The following CANX variants were observed in gnomAD, a reference collection of about 807,000 sequenced individuals.
CANX encodes the protein calnexin, also known as epididymis secretory sperm binding protein.
Under a neutral mutation model 75.7 loss-of-function variants are expected in CANX, and 14 were observed. The ratio of observed to expected loss-of-function variants is 0.19; its 90% confidence interval spans 0.12 to 0.29. The LOEUF (loss-of-function observed/expected upper bound fraction) is 0.29, where lower values mean the gene tolerates loss of function less well. CANX is among the 10% of genes least tolerant of loss of function. The pLI is 1.00. For synonymous variants in CANX, 227 were observed against 236.9 expected (o/e 0.96, Z 0.38); for missense variants, 567 against 713.2 (o/e 0.79, Z 2.34).
At chr5:179,706,713 T>G (rs954507023) in intron 3 of CANX, among the ~76,000 whole-genome samples, 2 of 152,174 alleles carry the variant, frequency 1.3e-5, no homozygotes, top group African/African-American at 4.8e-5. Flanking sequence ...TGCCTTAGCC[T>G]CCCAAATTGT....
At chr5:179,727,517 A>G (rs1778739761) in intron 14 of CANX, among the ~76,000 whole-genome samples, 1 of 152,162 alleles carries the variant, frequency 6.6e-6, no homozygotes, top group Non-Finnish European at 1.5e-5. Context: ...GTGGTTGTCT[A>G]CAAGGCCAGT....
At chr5:179,694,785 T>C, upstream of CANX, 1 of 323,970 alleles carries the variant, frequency 3.1e-6, no homozygotes, top group Non-Finnish European at 5.7e-6. Context: ...TGTTTATCTG[T>C]CAAAAAAAAA....
chr5:179,680,598 T>C (rs1776038568), intron 1 of CANX, among the ~76,000 whole-genome samples: 1 of 152,068 alleles, frequency 6.6e-6, no homozygotes, highest in African/African-American at 2.4e-5. Context: ...AAACATGACT[T>C]TTATTCCAAA....
intron 11 of CANX, chr5:179,723,379 A>T: frequency 9.0e-6 from 4 of 443,304 alleles, no homozygotes; most frequent in Non-Finnish European, 1.6e-5. Flanking sequence ...AGAGCCAGGG[A>T]TACTGAGATA....
chr5:179,695,511 TAG>T (rs1224916394), upstream of CANX, among the ~76,000 whole-genome samples: 2 of 151,294 alleles, frequency 1.3e-5, no homozygotes, highest in East Asian at 1.9e-4. Flanking sequence ...GTATTTTTAG[TAG>T]AGACAGGGCT....
chr5:179,723,583 G>A, intron 11 of CANX, 77 bp from the exon 12 acceptor site: 1 of 1,511,854 alleles, frequency 6.6e-7, no homozygotes, highest in Non-Finnish European at 9.0e-7. Flanking sequence ...TGCCATAACT[G>A]AACTGCAGAA....
intron 1 of CANX, among the ~76,000 whole-genome samples, chr5:179,688,160 C>T (rs370229820): frequency 6.7e-6 from 1 of 148,902 alleles, no homozygotes; most frequent in Non-Finnish European, 1.5e-5. Flanking sequence ...TGGGTTCAAG[C>T]GATTCTCTTC....
intron 13 of CANX, among the ~76,000 whole-genome samples, chr5:179,725,856 C>T (rs1164791697): frequency 2.0e-5 from 3 of 150,512 alleles, no homozygotes; most frequent in Non-Finnish European, 3.0e-5. Flanking sequence ...GGCATGGTGG[C>T]GGGCGCCTGT....
At chr5:179,708,878 T>A (rs1393709967) in intron 5 of CANX, 100 bp from the exon 6 acceptor site, 3 of 651,846 alleles carry the variant, frequency 4.6e-6, no homozygotes, top group East Asian at 5.5e-5. Context: ...ATTTGACCTA[T>A]GATAAAACGT....
At chr5:179,681,880 G>A (rs1161623818) in intron 1 of CANX, among the ~76,000 whole-genome samples, 1 of 150,812 alleles carries the variant, frequency 6.6e-6, no homozygotes, top group Non-Finnish European at 1.5e-5. Context: ...CCCAAGAGGT[G>A]AAAGCTGCAG....
upstream of CANX, chr5:179,698,237 CCCTGTATCT>C (rs1275686394): frequency 4.2e-5 from 8 of 188,352 alleles, no homozygotes; most frequent in Non-Finnish European, 6.9e-5. Flanking sequence ...GTCCTGTCAT[CCCTGTATCT>C]CTCTGCCCTG....
At chr5:179,686,792 C>G (rs1330601819) in intron 1 of CANX, among the ~76,000 whole-genome samples, 1 of 151,872 alleles carries the variant, frequency 6.6e-6, no homozygotes, top group Non-Finnish European at 1.5e-5. Flanking sequence ...TTGTTTGTTT[C>G]TTTGAGACAG....
chr5:179,682,404 G>A (rs529343632), intron 1 of CANX, among the ~76,000 whole-genome samples: 6 of 151,118 alleles, frequency 4.0e-5, no homozygotes, highest in South Asian at 2.1e-4. Flanking sequence ...GTGAAACCCT[G>A]TCTCTAATAA....
intron 1 of CANX, among the ~76,000 whole-genome samples, chr5:179,686,334 GTGA>G (rs1776190898): frequency 6.6e-6 from 1 of 151,732 alleles, no homozygotes; most frequent in Non-Finnish European, 1.5e-5. Flanking sequence ...CTGACTTCAA[GTGA>G]TCTGCCTGCC....
chr5:179,714,848 T>C (rs1777823726), intron 7 of CANX, among the ~76,000 whole-genome samples: 1 of 151,458 alleles, frequency 6.6e-6, no homozygotes, highest in Non-Finnish European at 1.5e-5. Context: ...CACTGCAATC[T>C]CCACCTCCCA....
At chr5:179,726,628 A>G in intron 13 of CANX, 52 bp from the exon 14 acceptor site, 3 of 1,275,968 alleles carry the variant, frequency 2.4e-6, no homozygotes, top group Non-Finnish European at 3.4e-6. Flanking sequence ...ATGCTAATAT[A>G]TAATCACCAA....
At chr5:179,691,935 G>A (rs1302609086) in intron 1 of CANX, among the ~76,000 whole-genome samples, 2 of 151,312 alleles carry the variant, frequency 1.3e-5, no homozygotes, top group African/African-American at 4.9e-5. Context: ...CCGCCACCAC[G>A]CCCGGCTAAT....
intron 1 of CANX, among the ~76,000 whole-genome samples, chr5:179,690,340 C>G (rs983733052): frequency 8.6e-5 from 13 of 152,018 alleles, no homozygotes; most frequent in Non-Finnish European, 7.4e-5. Context: ...CTTTGGGAGG[C>G]CGAGGCGGGT....
chr5:179,711,050 CT>C (rs1581864024), intron 7 of CANX, among the ~76,000 whole-genome samples: 1 of 151,910 alleles, frequency 6.6e-6, no homozygotes, highest in Admixed American at 6.6e-5. Flanking sequence ...GAGGAAGATT[CT>C]GTACCCCCTC....
Sources: allele counts gnomAD v4.1 joint callset (sites outside exome capture counted in the v4.1 genomes callset), GRCh38; gene constraint gnomAD v4.1.1; transcripts MANE v1.5; gene names NCBI Gene and HGNC (gene_info 2026-07-23, HGNC 2026-07-21).